The following PARP9 variants were observed in gnomAD, a reference collection of about 807,000 sequenced individuals.
PARP9 encodes protein mono-ADP-ribosyltransferase PARP9.
A neutral mutation model predicts 68.8 loss-of-function variants in PARP9; 48 were observed. That is an observed-to-expected ratio of 0.70 (90% CI 0.55 to 0.89). The LOEUF is 0.89. Ranked by LOEUF, PARP9 falls within the 40% of genes least tolerant of loss-of-function variation. The pLI, the probability that PARP9 is intolerant of heterozygous loss-of-function variation, is 0.00. For missense variants in PARP9, 806 were observed against 969.3 expected, an observed-to-expected ratio of 0.83 and a Z score of 2.24; for synonymous variants, 309 against 333.8, an observed-to-expected ratio of 0.93 and a Z score of 0.81.
intron 8 of PARP9, among the ~76,000 whole-genome samples, chr3:122,538,028 TTGAA>T (rs1403057842): frequency 2.6e-5 from 4 of 152,182 alleles, no homozygotes; most frequent in African/African-American, 7.2e-5. Context: ...CATTATCTAA[TTGAA>T]TGGGCTCAAT....
intron 1 of PARP9, among the ~76,000 whole-genome samples, chr3:122,562,329 C>G (rs914285710): frequency 6.6e-6 from 1 of 151,474 alleles, no homozygotes; most frequent in Non-Finnish European, 1.5e-5. Context: ...ACTACAGGCG[C>G]CCACCACCAC....
At chr3:122,559,449 T>C (rs534373468) in intron 2 of PARP9, among the ~76,000 whole-genome samples, 157 bp downstream of exon 2, 1 of 152,346 alleles carries the variant, frequency 6.6e-6, no homozygotes, top group African/African-American at 2.4e-5. Context: ...TGATTCCCCA[T>C]TTCTCAAGAA....
At chr3:122,536,105 T>G in intron 10 of PARP9, 63 bp downstream of exon 10, 1 of 1,611,136 alleles carries the variant, frequency 6.2e-7, no homozygotes, top group Non-Finnish European at 8.5e-7. Context: ...AGTGGAAGAA[T>G]CTACTGATGT....
At chr3:122,551,171 G>A (rs367911743) in intron 5 of PARP9, among the ~76,000 whole-genome samples, 1 of 152,176 alleles carries the variant, frequency 6.6e-6, no homozygotes, top group Non-Finnish European at 1.5e-5. Context: ...AAAGGAGATC[G>A]AGATTAAAAT....
At chr3:122,545,317 G>T in intron 7 of PARP9, 115 bp downstream of exon 7, 1 of 1,040,444 alleles carries the variant, frequency 9.6e-7, no homozygotes, top group Non-Finnish European at 1.5e-6. Flanking sequence ...GGACCACAAT[G>T]CAATACCTTT....
At chr3:122,532,310 G>A (rs1341366621) in intron 10 of PARP9, 2 of 985,146 alleles carry the variant, frequency 2.0e-6, no homozygotes, top group East Asian at 2.3e-4. Context: ...GAGTGTGAAA[G>A]GCACAGGAGA....
At chr3:122,546,968 CTATATATATATATATATATATATA>C (rs57337681) in intron 6 of PARP9, among the ~76,000 whole-genome samples, 41 of 70,148 alleles carry the variant, frequency 5.8e-4, no homozygotes, top group East Asian at 3.2e-3. Context: ...ATACATGGCA[CTATATATATATATATATATATATA>C]TATATATATA....
intron 8 of PARP9, 73 bp downstream of exon 8, chr3:122,540,399 A>T: frequency 6.5e-7 from 1 of 1,540,240 alleles, no homozygotes; most frequent in Non-Finnish European, 8.8e-7. Flanking sequence ...CCACATCCAT[A>T]CATACACGCT....
intron 1 of PARP9, among the ~76,000 whole-genome samples, chr3:122,562,276 G>A (rs1422053020): frequency 2.0e-5 from 3 of 151,588 alleles, no homozygotes; most frequent in Non-Finnish European, 2.9e-5. Flanking sequence ...TCCGCCTCCC[G>A]GGTTCACGCC....
At position 122,552,589 on chromosome 3, in the gene PARP9, A is replaced by T; in HGVS notation, c.936T>A (p.Pro312=). Residue 312 remains proline, a synonymous_variant, in exon 5 of 11, where the codon CCT becomes CCA. Transcript: ENST00000682323. ...CTTGTTGTAGAATTGACTTTGCCAC[A>T]GGTCCAACTGTAATATCATGTGGGT... The part of the protein sequence containing the change: ...SVNPHDITVG[P]VAKSILQQAG... 1.9e-6 allele frequency: 3 copies of T among 1,614,098 alleles called. No homozygotes were observed. Among genetic ancestry groups the T allele is most frequent in the Non-Finnish European group, 1.7e-6 (2 of 1,179,956 alleles).
At chr3:122,555,146 G>T in intron 4 of PARP9, 140 bp downstream of exon 4, 2 of 879,684 alleles carry the variant, frequency 2.3e-6, no homozygotes, top group South Asian at 1.9e-5. Flanking sequence ...TGGGTTACAG[G>T]CATGTACCAC....
Position 122,540,656 on chromosome 3 carries a change from C to A in PARP9, c.1581G>T (p.Leu527Phe). The stretch of plus-strand genomic sequence containing the variant: ...CACTTGAAGTTTTCTGAAGCTGAGA[C>A]AAAATGTCATGTTCCTTTCTCCCAA... ...LYLGRKEHDI[L>F]SQLQKTSSVS... The change falls in exon 8 of 11, where the codon TTG becomes TTT. Residue 527 changes from leucine (L) to phenylalanine (F), a missense_variant. Physicochemically the swap from Leu to Phe is conservative, Grantham distance 22 (BLOSUM62 0). Around this residue, in one of 2 missense-constraint regions of PARP9, gnomAD observed 680 missense variants for 858.8 expected, o/e 0.79. Coordinates refer to ENST00000682323, the MANE Select transcript of PARP9 (RefSeq NM_001146105.2). 4 of 1,614,120 alleles carry A rather than the reference C, an allele frequency of 2.5e-6. No individual in the cohort carries two copies. Among genetic ancestry groups the A allele is most frequent in the Non-Finnish European group, 3.4e-6 (4 of 1,180,014 alleles).
At position 122,564,019 on chromosome 3, in the gene PARP9, T is replaced by G. The variant is rs192582130; in HGVS notation, c.-90+226A>C. 16 of 171,764 alleles carry G rather than the reference T, an allele frequency of 9.3e-5. No individual in the cohort carries two copies. In the East Asian group the frequency reaches 2.6e-3, roughly 28 times the overall value. 10.6% of individuals were successfully genotyped at this position (171,764 alleles called of 1,614,324 possible). A position where few individuals can be genotyped will look rare whatever the true frequency, so the allele number is the denominator to read the frequency against. On this transcript the variant is annotated intron_variant, in intron 1 of 10. Coordinates refer to ENST00000682323, the MANE Select transcript of PARP9 (RefSeq NM_001146105.2). ...TTTTCAAAAATGGGTAAGTTTAACA[T>G]GGATTCAGAATGTGAATTACTTTTT...
chr3:122,535,537 A>C, intron 10 of PARP9: 1 of 985,450 alleles, frequency 1.0e-6, no homozygotes, highest in Non-Finnish European at 1.2e-6. Flanking sequence ...AGAGAACTAA[A>C]GCCAGAAATC....
intron 8 of PARP9, among the ~76,000 whole-genome samples, chr3:122,539,396 G>GT (rs1271517218): frequency 6.6e-6 from 1 of 152,140 alleles, no homozygotes; most frequent in East Asian, 1.9e-4. Context: ...TGTCTATCTT[G>GT]TTTATTGCTG....
upstream of PARP9, chr3:122,564,656 C>G (rs1412274251): frequency 6.4e-6 from 10 of 1,556,218 alleles, no homozygotes; most frequent in Non-Finnish European, 8.7e-6. Context: ...TCTGGGGGCC[C>G]GGCCCCCGGG....
chr3:122,544,086 A>T (rs1435975697), intron 7 of PARP9, among the ~76,000 whole-genome samples: 1 of 152,032 alleles, frequency 6.6e-6, no homozygotes, highest in Non-Finnish European at 1.5e-5. Flanking sequence ...TTATGTACCC[A>T]CCATGGATTC....
chr3:122,555,941 T>A lies in PARP9; in HGVS notation c.230A>T (p.Lys77Ile). The change falls in exon 4 of 11, where the codon AAA (lysine) becomes ATA (isoleucine). Residue 77 changes from lysine (K) to isoleucine (I), a missense_variant. By Grantham distance (102) the Lys-to-Ile change is moderately radical. This residue lies in a region of PARP9 where 126 missense variants were observed against 110.5 expected (regional missense o/e 1.14). Coordinates refer to ENST00000682323, the MANE Select transcript of PARP9 (RefSeq NM_001146105.2). ...TAACTCTATCCTAGGAGTCAGCATT[T>A]TTCTGAACACTTGCAGAGATTTGCT... Reference protein sequence around the residue: ...GNSKSLQVFRKMLTPRIELSV... With the variant: ...GNSKSLQVFRIMLTPRIELSV... 6.2e-7 allele frequency: 1 copy of A among 1,613,954 alleles called. No homozygotes were observed. Among genetic ancestry groups the A allele is most frequent in the Non-Finnish European group, 8.5e-7 (1 of 1,179,974 alleles).
chr3:122,538,856 A>G (rs569686985), intron 8 of PARP9, among the ~76,000 whole-genome samples: 9 of 106,120 alleles, frequency 8.5e-5, no homozygotes, highest in African/African-American at 2.8e-4. Context: ...CTTTTTATCC[A>G]TGTTTTTTTT....
Sources: gnomAD v4.1 joint callset for allele counts (sites outside exome capture counted in the v4.1 genomes callset) on GRCh38, gnomAD v4.1.1 for gene constraint, gnomAD v4.1.1 regional missense constraint, MANE v1.5 for transcripts, NCBI Gene and HGNC (gene_info 2026-07-23, HGNC 2026-07-21) for gene names.